The following PWP1 variants were observed in gnomAD, a reference collection of about 807,000 sequenced individuals.
PWP1 encodes periodic tryptophan protein 1 homolog.
Under a neutral mutation model 69.9 loss-of-function variants are expected in PWP1, and 47 were observed. The observed-to-expected ratio is 0.67, with a 90% confidence interval of 0.53 to 0.86. The LOEUF (loss-of-function observed/expected upper bound fraction) is 0.86, where lower values mean the gene tolerates loss of function less well. PWP1 is among the 40% of genes least tolerant of loss of function. PWP1 has a pLI of 0.00. For missense variants in PWP1, 551 were observed against 608.8 expected, an observed-to-expected ratio of 0.91 and a Z score of 1.00; for synonymous variants, 222 against 208.2, an observed-to-expected ratio of 1.07 and a Z score of -0.57.
chr12:107,709,174 A>C lies in PWP1; in HGVS notation c.1232A>C (p.Lys411Thr). ...LVTASADKYVKIWDILGDRPS... is the reference protein window; with the variant it reads ...LVTASADKYVTIWDILGDRPS... ...ACTGCTTCAGCTGACAAATACGTGA[A>C]GATCTGGGACATCTTAGGAGATAGG... Residue 411 changes from lysine (K) to threonine (T), a missense_variant, in exon 13 of 15, where the codon AAG becomes ACG. Transcript: ENST00000412830. 1 of 1,613,976 alleles carries C rather than the reference A, an allele frequency of 6.2e-7. No individual in the cohort carries two copies. The highest frequency in any genetic ancestry group is 8.5e-7 in the Non-Finnish European group (1 of 1,179,870).
intron 10 of PWP1, 101 bp downstream of exon 10, chr12:107,703,847 C>T (rs1375186975): frequency 9.4e-6 from 10 of 1,064,242 alleles, no homozygotes; most frequent in African/African-American, 1.6e-5. Context: ...TCCTTGAGGC[C>T]ACCTTTATGT....
chr12:107,711,736 A>G (rs2136291864), intron 14 of PWP1, among the ~76,000 whole-genome samples: 1 of 152,282 alleles, frequency 6.6e-6, no homozygotes, highest in South Asian at 2.1e-4. Context: ...TCTCTGGGTT[A>G]TTCTGATGTG....
Position 107,692,879 on chromosome 12 carries a change from T to TAA in PWP1, c.386_387insAA (p.Tyr129Ter). 1 of 1,614,082 alleles carries TAA rather than the reference T, an allele frequency of 6.2e-7. No homozygotes were observed. The highest frequency in any genetic ancestry group is 8.5e-7 in the Non-Finnish European group (1 of 1,179,960). The change falls in exon 4 of 15, where the codon TAC becomes TAAAC. Residue 129 changes from tyrosine (Y) to a stop codon, truncating the protein, a stop_gained and frameshift_variant. Transcript: ENST00000412830. LOFTEE classifies it high-confidence loss of function. ...CTACGGGAGTAATGATCAAGATCCT[T>TAA]ACGTTACTCTGAAAGATACAGTAAG... ...TVYGSNDQDP[Y>*]VTLKDTEQYE...
chr12:107,688,030 CAAAAAAAAAAAAA>C (rs56255249), intron 1 of PWP1, among the ~76,000 whole-genome samples: 33 of 37,622 alleles, frequency 8.8e-4, no homozygotes, highest in East Asian at 6.7e-3. Context: ...GACTCCGTCT[CAAAAAAAAAAAAA>C]AAAAAAAAAA....
rs559427766 is a variant in PWP1, at chr12:107,688,015, A to AG, written c.73-432dup. On this transcript the variant is annotated intron_variant, in intron 1 of 14. Coordinates refer to ENST00000412830, the MANE Select transcript of PWP1 (RefSeq NM_007062.3). ...CATTGCTCTTCAGCCTGGGCAACAG[A>AG]GCGAGACTCCGTCTCAAAAAAAAAA... 2.2e-3 allele frequency among the ~76,000 whole-genome samples: 285 copies of AG among 130,198 alleles called. 3 individuals carry two copies. The highest frequency in any genetic ancestry group is 7.8e-3 in the African/African-American group (274 of 35,214). 85.4% of individuals were successfully genotyped at this position (130,198 alleles called of 152,430 possible).
chr12:107,709,239 A>C lies in PWP1; in HGVS notation c.1290+7A>C. ...TTCTAGGGACATGAAAATGGTAAGAATCTCCCTGGGTATCTGTTTTTTATT... is the reference window on the plus strand; with the variant it reads ...TTCTAGGGACATGAAAATGGTAAGACTCTCCCTGGGTATCTGTTTTTTATT... On this transcript the variant is annotated splice_region_variant and intron_variant, in intron 13 of 14. Transcript: ENST00000412830. 1 of 1,612,480 alleles carries C rather than the reference A, an allele frequency of 6.2e-7. No individual in the cohort carries two copies. The highest frequency in any genetic ancestry group is 8.5e-7 in the Non-Finnish European group (1 of 1,179,080).
At chr12:107,691,614 A>T (rs1417708083) in intron 3 of PWP1, among the ~76,000 whole-genome samples, 1 of 152,138 alleles carries the variant, frequency 6.6e-6, no homozygotes, top group African/African-American at 2.4e-5. Context: ...GGTAGCTGGG[A>T]GTTTAGCATC....
chr12:107,685,920 G>T lies in PWP1; in HGVS notation c.21G>T (p.Val7=). ...GGACCATGAACCGCAGCCGCCAGGT[G>T]ACGTGCGTGGCCTGGGTCCGCTGCG... MNRSRQ[V]TCVAWVRCGV... The change falls in exon 1 of 15, where the codon GTG becomes GTT. Residue 7 remains valine, a synonymous_variant. Transcript: ENST00000412830. 1 of 1,613,960 alleles carries T rather than the reference G, an allele frequency of 6.2e-7. No individual in the cohort carries two copies. The highest frequency in any genetic ancestry group is 8.5e-7 in the Non-Finnish European group (1 of 1,179,984).
rs774143503 is a variant in PWP1 at position 107,688,798 on chromosome 12, C to T, written c.315C>T (p.Asp105=). 2.5e-6 allele frequency: 4 copies of T among 1,612,998 alleles called. No homozygotes were observed. Among genetic ancestry groups the T allele is most frequent in the African/African-American group, 2.7e-5 (2 of 74,874 alleles). Residue 105 remains aspartate, a synonymous_variant, in exon 3 of 15, where the codon GAC becomes GAT. Coordinates refer to ENST00000412830, the MANE Select transcript of PWP1 (RefSeq NM_007062.3). ...TAGATAAATATGATGAGGAAGGTGA[C>T]CCAGGTTAGTTTATCCACTTCTGAT... ...YDLDKYDEEG[D]PDAETLGESL...
At chr12:107,696,744 A>G (rs1245970360) in intron 6 of PWP1, among the ~76,000 whole-genome samples, 160 bp downstream of exon 6, 1 of 152,178 alleles carries the variant, frequency 6.6e-6, no homozygotes, top group Admixed American at 6.5e-5. Flanking sequence ...ACACACCATC[A>G]CTTTATTGTT....
intron 7 of PWP1, 42 bp from the exon 8 acceptor site, chr12:107,699,331 G>A (rs1271775529): frequency 3.5e-6 from 5 of 1,420,230 alleles, no homozygotes; most frequent in Non-Finnish European, 4.9e-6. Flanking sequence ...TTTATTATGA[G>A]GGGGACTTTA....
intron 5 of PWP1, among the ~76,000 whole-genome samples, chr12:107,695,099 CAAA>C (rs139780863): frequency 6.7e-5 from 8 of 118,786 alleles, no homozygotes; most frequent in Admixed American, 9.0e-5. Context: ...ACTAAAAATA[CAAA>C]AAAAAAAAAA....
At chr12:107,706,377 G>A (rs1290980714) in intron 11 of PWP1, among the ~76,000 whole-genome samples, 1 of 152,122 alleles carries the variant, frequency 6.6e-6, no homozygotes, top group Non-Finnish European at 1.5e-5. Context: ...TTCTTTTGCT[G>A]TGCAGAAGCT....
intron 5 of PWP1, 138 bp from the exon 6 acceptor site, chr12:107,696,336 A>G (rs1299495238): frequency 4.6e-6 from 6 of 1,299,550 alleles, no homozygotes; most frequent in Non-Finnish European, 6.1e-6. Context: ...CCCAGCCTGG[A>G]ATCTCTTTAT....
chr12:107,688,543 G>A, intron 2 of PWP1, 37 bp downstream of exon 2: 2 of 1,611,394 alleles, frequency 1.2e-6, no homozygotes, highest in East Asian at 2.2e-5. Flanking sequence ...TATCTTAAAT[G>A]ATGATGACCA....
chr12:107,697,450 ATTG>A lies in PWP1; in HGVS notation c.614-14_614-12del. The A allele has an allele frequency of 6.4e-7, 1 of 1,564,622 alleles. No homozygotes were observed. The highest frequency in any genetic ancestry group is 8.6e-7 in the Non-Finnish European group (1 of 1,161,136). ...TCTTTTTTTGTGTAATCATACATGCATTGTTTCCTCCCATAGGAAATTACATTG... is the reference window on the plus strand; with the variant it reads ...TCTTTTTTTGTGTAATCATACATGCATTTCCTCCCATAGGAAATTACATTG... On this transcript the variant is annotated splice_polypyrimidine_tract_variant and intron_variant, in intron 6 of 14. Transcript: ENST00000412830.
At chr12:107,706,511 G>A (rs1472567435) in intron 11 of PWP1, among the ~76,000 whole-genome samples, 1 of 152,102 alleles carries the variant, frequency 6.6e-6, no homozygotes, top group Non-Finnish European at 1.5e-5. Context: ...TTTCTTCTAG[G>A]GTTTTTATGG....
At chr12:107,702,806 C>G (rs1194056280) in intron 8 of PWP1, 129 bp from the exon 9 acceptor site, 5 of 650,908 alleles carry the variant, frequency 7.7e-6, no homozygotes, top group Non-Finnish European at 1.4e-5. Context: ...GTAAGTCTTA[C>G]ATTTCTTTTG....
Position 107,688,630 on chromosome 12 carries a change from C to T in PWP1, c.147C>T (p.Gly49=). 1.2e-6 allele frequency: 2 copies of T among 1,613,808 alleles called. No homozygotes were observed. The highest frequency in any genetic ancestry group is 1.7e-6 in the Non-Finnish European group (2 of 1,179,794). ...AKEKLQEEGG[G]SDEEETGSPS... ...GTGCTCATAGAGAAGAAGGTGGTGGCAGTGATGAAGAGGAGACAGGCAGTC... is the reference window on the plus strand; with the variant it reads ...GTGCTCATAGAGAAGAAGGTGGTGGTAGTGATGAAGAGGAGACAGGCAGTC... The change falls in exon 3 of 15, where the codon GGC becomes GGT. Residue 49 remains glycine (G), a synonymous_variant. Coordinates refer to ENST00000412830, the MANE Select transcript of PWP1 (RefSeq NM_007062.3).
Sources: gnomAD v4.1 joint callset for allele counts (sites outside exome capture counted in the v4.1 genomes callset) on GRCh38, gnomAD v4.1.1 for gene constraint, MANE v1.5 for transcripts, NCBI Gene and HGNC (gene_info 2026-07-23, HGNC 2026-07-21) for gene names.